Variants in ZFAND3 observed in about 807,000 individuals in gnomAD.
ZFAND3 encodes the protein zinc finger AN1-type containing 3, also known as AN1-type zinc finger protein 3.
Under a neutral mutation model 29.6 loss-of-function variants are expected in ZFAND3, and 10 were observed. The ratio of observed to expected loss-of-function variants is 0.34; its 90% CI spans 0.21 to 0.57. The LOEUF (loss-of-function observed/expected upper bound fraction) is 0.57, where lower values mean the gene tolerates loss of function less well. ZFAND3 is among the 20% of genes least tolerant of loss of function. The pLI, the probability that ZFAND3 is intolerant of heterozygous loss-of-function variation, is 0.86. For missense variants in ZFAND3, 230 were observed against 304.5 expected (o/e 0.76, Z 1.82); for synonymous variants, 128 against 112.6 (o/e 1.14, Z -0.87).
At chr6:37,934,738 C>T (rs966519539) in intron 2 of ZFAND3, among the ~76,000 whole-genome samples, 1 of 142,746 alleles carries the variant, frequency 7.0e-6, no homozygotes, top group African/African-American at 2.6e-5. Context: ...ACTCGGGAGG[C>T]TGAGGCAGGA....
intron 1 of ZFAND3, among the ~76,000 whole-genome samples, chr6:37,821,527 T>G (rs1763666484): frequency 1.3e-5 from 2 of 152,214 alleles, no homozygotes; most frequent in African/African-American, 4.8e-5. Flanking sequence ...GTGGATAATT[T>G]GCCGCTTCAC....
intron 2 of ZFAND3, among the ~76,000 whole-genome samples, chr6:38,045,560 T>C (rs889305157): frequency 1.3e-5 from 2 of 152,196 alleles, no homozygotes; most frequent in Non-Finnish European, 2.9e-5. Flanking sequence ...TAGCAATTTT[T>C]CTTCCTTTTA....
chr6:37,947,874 T>A (rs576509161), intron 2 of ZFAND3, among the ~76,000 whole-genome samples: 96 of 152,324 alleles, frequency 6.3e-4, no homozygotes, highest in African/African-American at 2.1e-3. Context: ...TATTATGACA[T>A]TGGAGCATTT....
intron 1 of ZFAND3, among the ~76,000 whole-genome samples, chr6:37,896,776 T>G (rs938893838): frequency 6.6e-6 from 1 of 151,878 alleles, no homozygotes; most frequent in Admixed American, 6.6e-5. Flanking sequence ...GGATGAGTGC[T>G]CCTTCTCTTG....
chr6:38,122,308 A>G (rs1740651402), intron 5 of ZFAND3, among the ~76,000 whole-genome samples: 2 of 152,342 alleles, frequency 1.3e-5, no homozygotes, highest in Non-Finnish European at 2.9e-5. Flanking sequence ...TACAATGTAA[A>G]TGCTATGTAA....
intron 2 of ZFAND3, among the ~76,000 whole-genome samples, chr6:37,987,926 G>T (rs1328486000): frequency 6.6e-6 from 1 of 152,148 alleles, no homozygotes; most frequent in Non-Finnish European, 1.5e-5. Context: ...CTTTTGAATA[G>T]ATTTAGTATT....
intron 1 of ZFAND3, among the ~76,000 whole-genome samples, chr6:37,873,233 T>C (rs956459330): frequency 1.3e-5 from 2 of 152,210 alleles, no homozygotes; most frequent in African/African-American, 4.8e-5. Context: ...ATCACGCCAC[T>C]GCATTCAGCC....
At chr6:37,922,081 T>TATAAA (rs539281103) in intron 1 of ZFAND3, among the ~76,000 whole-genome samples, 4 of 151,872 alleles carry the variant, frequency 2.6e-5, no homozygotes, top group Non-Finnish European at 4.4e-5. Flanking sequence ...AAATATAAAA[T>TATAAA]ATAAAATAAA....
At chr6:37,992,504 C>T (rs1416559394) in intron 2 of ZFAND3, among the ~76,000 whole-genome samples, 1 of 152,078 alleles carries the variant, frequency 6.6e-6, no homozygotes, top group Non-Finnish European at 1.5e-5. Context: ...CGTATGCTTT[C>T]CCTCTCTTCT....
intron 2 of ZFAND3, among the ~76,000 whole-genome samples, chr6:38,032,220 AATC>A (rs1763575755): frequency 6.6e-6 from 1 of 152,210 alleles, no homozygotes; most frequent in African/African-American, 2.4e-5. Context: ...ACTGTAATAT[AATC>A]AATATAATAG....
At chr6:38,024,319 G>A in intron 2 of ZFAND3, among the ~76,000 whole-genome samples, 1 of 150,540 alleles carries the variant, frequency 6.6e-6, no homozygotes, top group South Asian at 2.1e-4. Flanking sequence ...AAAATACAAA[G>A]AATTAGCCAG....
At chr6:38,100,584 G>A (rs754114088) in intron 4 of ZFAND3, among the ~76,000 whole-genome samples, 3 of 152,266 alleles carry the variant, frequency 2.0e-5, no homozygotes, top group Non-Finnish European at 4.4e-5. Flanking sequence ...CATGAGTTCT[G>A]ACCCTACTGT....
intron 2 of ZFAND3, among the ~76,000 whole-genome samples, chr6:38,025,698 A>G (rs1180181977): frequency 6.6e-6 from 1 of 152,216 alleles, no homozygotes; most frequent in African/African-American, 2.4e-5. Context: ...TAAAAGAATG[A>G]AGCACTGATA....
At chr6:37,878,508 C>T (rs1017970057) in intron 1 of ZFAND3, among the ~76,000 whole-genome samples, 16 of 152,146 alleles carry the variant, frequency 1.1e-4, no homozygotes, top group African/African-American at 3.6e-4. Context: ...AGAGGTGAGG[C>T]AGGGCCTAGA....
intron 4 of ZFAND3, among the ~76,000 whole-genome samples, chr6:38,091,499 T>A (rs920484125): frequency 1.8e-5 from 2 of 109,432 alleles, no homozygotes; most frequent in Middle Eastern, 5.2e-3. Context: ...TTTTTTTTTT[T>A]TGGTGGGGGT....
At position 37,940,446 on chromosome 6, in the gene ZFAND3, T is replaced by C. The variant is rs1761791744; in HGVS notation, c.112+10447T>C. On this transcript the variant is annotated intron_variant, in intron 2 of 5. Coordinates refer to ENST00000287218, the MANE Select transcript of ZFAND3 (RefSeq NM_021943.3). The stretch of plus-strand genomic sequence containing the variant: ...ATTAATGTATGACTAAAATATCATC[T>C]TTCATGCTATAAAATTTTATACCCT... Among the ~76,000 whole-genome samples the C allele has an allele frequency of 2.0e-5, 3 of 152,254 alleles. No individual in the cohort carries two copies. The South Asian group carries it at 6.2e-4, about 31-fold the overall frequency.
intron 1 of ZFAND3, among the ~76,000 whole-genome samples, chr6:37,916,463 T>C (rs1761256238): frequency 6.6e-6 from 1 of 151,856 alleles, no homozygotes. Context: ...ATCAAGACCA[T>C]GCAGGCTAAC....
At chr6:38,006,166 A>G (rs2127441688) in intron 2 of ZFAND3, among the ~76,000 whole-genome samples, 1 of 152,324 alleles carries the variant, frequency 6.6e-6, no homozygotes, top group East Asian at 1.9e-4. Flanking sequence ...TCTTCCCATT[A>G]TGACATGCAG....
intron 2 of ZFAND3, among the ~76,000 whole-genome samples, chr6:37,972,757 A>G (rs1347893800): frequency 6.6e-6 from 1 of 151,660 alleles, no homozygotes; most frequent in Non-Finnish European, 1.5e-5. Flanking sequence ...GGTACTTAAA[A>G]TGGGTGGGTG....
Sources: allele counts gnomAD v4.1 joint callset (sites outside exome capture counted in the v4.1 genomes callset), GRCh38; gene constraint gnomAD v4.1.1; transcripts MANE v1.5; gene names NCBI Gene and HGNC (gene_info 2026-07-23, HGNC 2026-07-21).